SCHIP1: variants seen among roughly 807,000 people sequenced by gnomAD.
SCHIP1 encodes the protein schwannomin interacting protein 1.
SCHIP1 carries 8 observed loss-of-function variants against 29.7 expected under a neutral mutation model. The observed-to-expected ratio is 0.27, with a 90% CI of 0.16 to 0.49. The LOEUF is 0.49. Ranked by LOEUF, SCHIP1 falls within the 20% of genes least tolerant of loss-of-function variation. The probability of loss-of-function intolerance (pLI) is 0.99; values close to 1 mark genes in which losing one functional copy is unlikely to be tolerated. For synonymous variants in SCHIP1, 76 were observed against 94.9 expected (o/e 0.80, Z 1.16); for missense variants, 193 against 294.6 (o/e 0.66, Z 2.52).
the SCHIP1 span, among the ~76,000 whole-genome samples, chr3:159,729,467 T>C: frequency 2.0e-5 from 3 of 152,210 alleles, no homozygotes; most frequent in Non-Finnish European, 2.9e-5. Flanking sequence ...GAGAGTCACA[T>C]AGAAAATTAT....
At chr3:159,675,882 A>C in the SCHIP1 span, among the ~76,000 whole-genome samples, 4 of 152,328 alleles carry the variant, frequency 2.6e-5, no homozygotes, top group East Asian at 3.9e-4. Context: ...CTGTAATCCC[A>C]GCACTTTGGG....
At chr3:159,866,118 A>G (rs777999335) in intron 1 of SCHIP1, 45 bp from the exon 3 acceptor site, 1 of 1,572,752 alleles carries the variant, frequency 6.4e-7, no homozygotes, top group Admixed American at 1.7e-5. Flanking sequence ...TGGTTGTGCT[A>G]TATCTGCCCA....
chr3:159,648,260 G>T, the SCHIP1 span, among the ~76,000 whole-genome samples: 1 of 152,124 alleles, frequency 6.6e-6, no homozygotes, highest in Non-Finnish European at 1.5e-5. Flanking sequence ...CCTCTGCCCT[G>T]ATGTCATGCA....
At chr3:159,659,174 T>C in the SCHIP1 span, among the ~76,000 whole-genome samples, 1 of 152,252 alleles carries the variant, frequency 6.6e-6, no homozygotes, top group African/African-American at 2.4e-5. Context: ...CATTCATCTG[T>C]AGTATTTTTG....
At chr3:159,761,845 G>C in the SCHIP1 span, among the ~76,000 whole-genome samples, 1 of 152,142 alleles carries the variant, frequency 6.6e-6, no homozygotes, top group Non-Finnish European at 1.5e-5. Flanking sequence ...TGGACCATCT[G>C]GGCAACAGGG....
At chr3:159,826,283 G>A in the SCHIP1 span, among the ~76,000 whole-genome samples, 7 of 152,190 alleles carry the variant, frequency 4.6e-5, no homozygotes, top group Non-Finnish European at 1.0e-4. Flanking sequence ...GTGAGTGAGT[G>A]GGGCTAAATT....
chr3:159,420,920 ATT>A, the SCHIP1 span, among the ~76,000 whole-genome samples: 1 of 152,180 alleles, frequency 6.6e-6, no homozygotes, highest in Non-Finnish European at 1.5e-5. Context: ...ATAAGCAATT[ATT>A]TGTTTATGGA....
At chr3:159,550,941 T>A in the SCHIP1 span, among the ~76,000 whole-genome samples, 1 of 152,200 alleles carries the variant, frequency 6.6e-6, no homozygotes. Flanking sequence ...AACTTTATAT[T>A]ATTTTATTTC....
At chr3:159,391,705 C>A in the SCHIP1 span, among the ~76,000 whole-genome samples, 1 of 152,176 alleles carries the variant, frequency 6.6e-6, no homozygotes, top group Non-Finnish European at 1.5e-5. Context: ...AAGATAAATT[C>A]TTTTTATTTC....
the SCHIP1 span, among the ~76,000 whole-genome samples, chr3:159,629,098 T>TA: frequency 2.0e-5 from 3 of 151,996 alleles, no homozygotes; most frequent in African/African-American, 7.2e-5. Flanking sequence ...ATGCATAATA[T>TA]ATTCTGTATC....
chr3:159,290,182 G>A, the SCHIP1 span, among the ~76,000 whole-genome samples: 1 of 152,212 alleles, frequency 6.6e-6, no homozygotes, highest in African/African-American at 2.4e-5. Context: ...GCGGCTATAA[G>A]AGGGAGTGAA....
chr3:159,871,302 G>A (rs957761226), intron 2 of SCHIP1, among the ~76,000 whole-genome samples: 2 of 122,290 alleles, frequency 1.6e-5, no homozygotes, highest in Non-Finnish European at 3.2e-5. Context: ...AAACGTTCTC[G>A]TACCCATCAC....
chr3:159,550,682 C>T, the SCHIP1 span, among the ~76,000 whole-genome samples: 3 of 151,918 alleles, frequency 2.0e-5, no homozygotes, highest in African/African-American at 7.2e-5. Flanking sequence ...GTTTTTATCT[C>T]ATAATTGATT....
the SCHIP1 span, among the ~76,000 whole-genome samples, chr3:159,814,738 T>A: frequency 6.6e-6 from 1 of 152,234 alleles, no homozygotes; most frequent in Admixed American, 6.5e-5. Flanking sequence ...TGCAGTCCTA[T>A]GAATTGGGCC....
the SCHIP1 span, among the ~76,000 whole-genome samples, chr3:159,383,684 T>A: frequency 8.1e-6 from 1 of 124,192 alleles, no homozygotes; most frequent in Non-Finnish European, 1.8e-5. Context: ...ATTGAATCTA[T>A]AAATTACCTT....
At chr3:159,458,579 A>T in the SCHIP1 span, among the ~76,000 whole-genome samples, 89 of 137,022 alleles carry the variant, frequency 6.5e-4, no homozygotes, top group African/African-American at 1.9e-3. Flanking sequence ...TTTTTTTTTT[A>T]AAGGAGTTAA....
chr3:159,530,382 C>T, the SCHIP1 span, among the ~76,000 whole-genome samples: 1 of 152,162 alleles, frequency 6.6e-6, no homozygotes, highest in South Asian at 2.1e-4. Flanking sequence ...TGAAAGAGCT[C>T]TTGCTTGCTT....
At chr3:159,698,443 G>A in the SCHIP1 span, among the ~76,000 whole-genome samples, 1 of 152,076 alleles carries the variant, frequency 6.6e-6, no homozygotes, top group Non-Finnish European at 1.5e-5. Context: ...ATTTGTGCAA[G>A]GCCAAAAGAT....
chr3:159,611,676 TC>T, the SCHIP1 span, among the ~76,000 whole-genome samples: 1 of 152,066 alleles, frequency 6.6e-6, no homozygotes, highest in South Asian at 2.1e-4. Context: ...TGCACATGTA[TC>T]CCAGAACTTA....
Sources: allele counts gnomAD v4.1 joint callset (sites outside exome capture counted in the v4.1 genomes callset), GRCh38; gene constraint gnomAD v4.1.1; transcripts MANE v1.5; gene names NCBI Gene and HGNC (gene_info 2026-07-23, HGNC 2026-07-21).